The following VWA3B variants were observed in gnomAD, a reference collection of about 807,000 sequenced individuals.
VWA3B encodes von Willebrand factor A domain containing 3B, also known as von Willebrand factor A domain-containing protein 3B.
A neutral mutation model predicts 158.3 loss-of-function variants in VWA3B; 138 were observed. The observed-to-expected ratio is 0.87, with a 90% CI of 0.76 to 1.00. VWA3B has a LOEUF of 1.00. Ranked by LOEUF, VWA3B falls within the 50% of genes least tolerant of loss-of-function variation. The pLI is 0.00. For missense variants in VWA3B, 1,555 were observed against 1,565.1 expected (o/e 0.99, Z 0.11); for synonymous variants, 596 against 587.3 (o/e 1.01, Z -0.21).
At chr2:98,296,199 G>T (rs1438600973) in intron 23 of VWA3B, among the ~76,000 whole-genome samples, 1 of 152,212 alleles carries the variant, frequency 6.6e-6, no homozygotes, top group Admixed American at 6.5e-5. Context: ...AAAGGCTAAG[G>T]ATTTGAAGAG....
At chr2:98,217,799 T>C (rs755340318) in intron 13 of VWA3B, 47 bp from the exon 14 acceptor site, 2 of 1,489,068 alleles carry the variant, frequency 1.3e-6, no homozygotes, top group East Asian at 2.4e-5. Context: ...TTTCTTTCTC[T>C]TCTCTTTCCA....
At chr2:98,216,987 C>CT in intron 13 of VWA3B, 1 of 1,275,462 alleles carries the variant, frequency 7.8e-7, no homozygotes, top group Non-Finnish European at 1.0e-6. Context: ...TAAGCACCCG[C>CT]CCCGCACCCA....
At chr2:98,281,805 T>G (rs562519050) in intron 22 of VWA3B, among the ~76,000 whole-genome samples, 1 of 152,294 alleles carries the variant, frequency 6.6e-6, no homozygotes, top group South Asian at 2.1e-4. Flanking sequence ...ATCAAATTAC[T>G]TAGCACACAG....
intron 22 of VWA3B, among the ~76,000 whole-genome samples, chr2:98,274,784 G>A (rs1346512949): frequency 1.3e-5 from 2 of 152,180 alleles, no homozygotes; most frequent in South Asian, 2.1e-4. Context: ...ACCAAAATCC[G>A]GTGCAGCGCT....
chr2:98,303,421 GGTGTGT>G (rs58157632), intron 25 of VWA3B, among the ~76,000 whole-genome samples: 43,739 of 146,494 alleles, frequency 0.3, 7,143 homozygotes, highest in Non-Finnish European at 0.39. Flanking sequence ...GTTATGTGAA[GGTGTGT>G]GTGTGTGTGT....
At chr2:98,102,500 C>T (rs533376532) in intron 2 of VWA3B, among the ~76,000 whole-genome samples, 76 of 152,196 alleles carry the variant, frequency 5.0e-4, no homozygotes, top group African/African-American at 1.1e-3. Context: ...CGGGCAGAGA[C>T]GCTACTCACT....
At chr2:98,213,312 G>C (rs554534176) in intron 13 of VWA3B, among the ~76,000 whole-genome samples, 1 of 152,348 alleles carries the variant, frequency 6.6e-6, no homozygotes, top group African/African-American at 2.4e-5. Flanking sequence ...TGTCACCACA[G>C]AGAGGAACTC....
chr2:98,266,185 G>A (rs868533198), intron 21 of VWA3B, among the ~76,000 whole-genome samples: 30 of 150,946 alleles, frequency 2.0e-4, no homozygotes, highest in Non-Finnish European at 3.0e-4. Context: ...TAGGTCTAAC[G>A]TTTAAGTCTT....
intron 21 of VWA3B, among the ~76,000 whole-genome samples, chr2:98,265,351 T>C (rs1322380792): frequency 6.6e-6 from 1 of 151,762 alleles, no homozygotes; most frequent in African/African-American, 2.4e-5. Flanking sequence ...ATTTCATCCA[T>C]GTCCCTACAA....
At chr2:98,231,993 G>T (rs1052542759) in intron 16 of VWA3B, among the ~76,000 whole-genome samples, 1 of 152,084 alleles carries the variant, frequency 6.6e-6, no homozygotes, top group Non-Finnish European at 1.5e-5. Flanking sequence ...TCCAGCTTTG[G>T]TATCAAGCTA....
intron 22 of VWA3B, among the ~76,000 whole-genome samples, chr2:98,288,190 T>G (rs1689276295): frequency 1.3e-5 from 2 of 152,230 alleles, no homozygotes. Flanking sequence ...AATTTTTTAT[T>G]GTATAATGGA....
Position 98,133,957 on chromosome 2 carries a change from G to T in VWA3B, c.988+18G>T, listed in dbSNP as rs1416658654. ...CCCTCCAGGTACCTGGAATCCAAAAGAAGTGGTGTAGCTTATGTCCCGAAT... is the reference window on the plus strand; with the variant it reads ...CCCTCCAGGTACCTGGAATCCAAAATAAGTGGTGTAGCTTATGTCCCGAAT... On this transcript the variant is annotated intron_variant, in intron 7 of 27. Coordinates refer to ENST00000477737, the MANE Select transcript of VWA3B (RefSeq NM_144992.5). 2 of 1,605,814 alleles carry T rather than the reference G, an allele frequency of 1.2e-6. No homozygotes were observed. Among genetic ancestry groups the T allele is most frequent in the Non-Finnish European group, 8.5e-7 (1 of 1,172,564 alleles).
intron 22 of VWA3B, among the ~76,000 whole-genome samples, chr2:98,274,504 C>T (rs1219985056): frequency 6.6e-6 from 1 of 152,090 alleles, no homozygotes; most frequent in Non-Finnish European, 1.5e-5. Flanking sequence ...GGGGACTGGG[C>T]TGTGAGAAGT....
At chr2:98,186,436 G>A (rs1019608900) in intron 9 of VWA3B, among the ~76,000 whole-genome samples, 4 of 151,930 alleles carry the variant, frequency 2.6e-5, no homozygotes, top group Non-Finnish European at 4.4e-5. Context: ...GACTACTGCC[G>A]TGCTACCTGG....
intron 10 of VWA3B, among the ~76,000 whole-genome samples, chr2:98,191,221 A>C (rs573467210): frequency 3.8e-4 from 58 of 152,028 alleles, no homozygotes; most frequent in African/African-American, 1.4e-3. Flanking sequence ...TTCTCTCCTC[A>C]TTCTGTTTAT....
At chr2:98,206,470 T>G (rs1460921837) in intron 12 of VWA3B, 1 of 357,048 alleles carries the variant, frequency 2.8e-6, no homozygotes, top group Non-Finnish European at 5.7e-6. Flanking sequence ...GAGAGCACAG[T>G]AAGGATTATG....
chr2:98,199,659 T>C (rs551649135), intron 12 of VWA3B, among the ~76,000 whole-genome samples: 97 of 152,318 alleles, frequency 6.4e-4, no homozygotes, highest in Non-Finnish European at 5.7e-4. Flanking sequence ...TTAGGTATTA[T>C]CTTTATATTG....
In VWA3B at chr2:98,248,809, CTCTT is replaced by C. The variant is rs1305136809; in HGVS notation, c.2674-1505_2674-1502del. On this transcript the variant is annotated intron_variant, in intron 19 of 27. Coordinates refer to ENST00000477737, the MANE Select transcript of VWA3B (RefSeq NM_144992.5). ...AGCGTGTGTCCCTTTCTCTCTGTCT[CTCTT>C]TCTCTTTCTTTTTCTTTCTTTCTTT... Among the ~76,000 whole-genome samples, 7 of 151,522 alleles carry C rather than the reference CTCTT, an allele frequency of 4.6e-5. No individual in the cohort carries two copies. In the East Asian group the frequency reaches 1.2e-3, roughly 25 times the overall value.
At chr2:98,229,919 A>G (rs1029918073) in intron 15 of VWA3B, 131 bp from the exon 16 acceptor site, 7 of 1,005,758 alleles carry the variant, frequency 7.0e-6, no homozygotes, top group Non-Finnish European at 9.8e-6. Context: ...ATATTAACCC[A>G]GATGGGGGAA....
Sources: allele counts gnomAD v4.1 joint callset (sites outside exome capture counted in the v4.1 genomes callset), GRCh38; gene constraint gnomAD v4.1.1; transcripts MANE v1.5; gene names NCBI Gene and HGNC (gene_info 2026-07-23, HGNC 2026-07-21).